The following ST18 variants were observed in gnomAD, a reference collection of about 807,000 sequenced individuals.
The protein encoded by ST18 is suppression of tumorigenicity 18 protein.
Under a neutral mutation model 110.0 loss-of-function variants are expected in ST18, and 50 were observed. That is an observed-to-expected ratio of 0.45 (90% CI 0.36 to 0.58). The LOEUF (loss-of-function observed/expected upper bound fraction) is 0.58. Among genes scored for constraint, ST18 ranks in the 20% least tolerant of loss-of-function variants. The probability of loss-of-function intolerance (pLI) is 0.00; values close to 1 mark genes in which losing one functional copy is unlikely to be tolerated. For synonymous variants in ST18, 461 were observed against 452.4 expected (o/e 1.02, Z -0.24); for missense variants, 1,306 against 1,280.1 (o/e 1.02, Z -0.31).
rs945305951 is a variant in ST18, at chr8:52,291,860, G to T, written c.-464-61783C>A. Among the ~76,000 whole-genome samples, 4 of 151,996 alleles carry T rather than the reference G, an allele frequency of 2.6e-5. 1 individual carries two copies. The Middle Eastern group carries it at 0.01, about 388-fold the overall frequency. On this transcript the variant is annotated intron_variant, in intron 2 of 25. Coordinates refer to ENST00000689386, the MANE Select transcript of ST18 (RefSeq NM_001352837.2). The stretch of plus-strand genomic sequence containing the variant: ...CAAGAACATGGCTCACTGCAGCCTC[G>T]ACCTCCTCGGCTCAAGTGATCCTCC...
At chr8:52,173,420 T>C (rs1308775229) in intron 9 of ST18, among the ~76,000 whole-genome samples, 1 of 152,192 alleles carries the variant, frequency 6.6e-6, no homozygotes, top group Non-Finnish European at 1.5e-5. Context: ...GAGCCCCCAG[T>C]GCCTGTCTGT....
At chr8:52,256,701 A>G (rs1276900418) in intron 2 of ST18, among the ~76,000 whole-genome samples, 1 of 152,226 alleles carries the variant, frequency 6.6e-6, no homozygotes, top group Non-Finnish European at 1.5e-5. Flanking sequence ...CAGTTCAGTC[A>G]TCTGGTCAAT....
At chr8:52,374,100 G>A (rs1055223824) in intron 2 of ST18, among the ~76,000 whole-genome samples, 1 of 152,186 alleles carries the variant, frequency 6.6e-6, no homozygotes, top group Non-Finnish European at 1.5e-5. Context: ...CAGAGGCTCT[G>A]TACTGGGTTG....
chr8:52,148,397 G>T (rs1011178966), intron 16 of ST18, among the ~76,000 whole-genome samples: 1 of 152,154 alleles, frequency 6.6e-6, no homozygotes, highest in Non-Finnish European at 1.5e-5. Flanking sequence ...AGACACACAG[G>T]CTGCCTCAGA....
chr8:52,136,654 A>G lies in ST18; in HGVS notation c.2236T>C (p.Ser746Pro). ...TGNYASHRSV[S>P]GCPLADKTLK... ...GTCTTATCTGCTAAAGGACATCCAGAAACACTAGAGAGGGATGAGGAAAAA... is the reference window on the plus strand; with the variant it reads ...GTCTTATCTGCTAAAGGACATCCAGGAACACTAGAGAGGGATGAGGAAAAA... The change falls in exon 19 of 26, where the codon TCT becomes CCT. Residue 746 changes from serine to proline, a missense_variant. Coordinates refer to ENST00000689386, the MANE Select transcript of ST18 (RefSeq NM_001352837.2). 1 of 1,607,634 alleles carries G rather than the reference A, an allele frequency of 6.2e-7. No individual in the cohort carries two copies. The highest frequency in any genetic ancestry group is 8.5e-7 in the Non-Finnish European group (1 of 1,177,132).
Position 52,110,887 on chromosome 8 carries a change from C to T in ST18, c.*2311G>A. The T allele has an allele frequency of 2.6e-6, 1 of 390,294 alleles. No homozygotes were observed. Among genetic ancestry groups the T allele is most frequent in the Non-Finnish European group, 4.5e-6 (1 of 220,798 alleles). 24.2% of individuals were successfully genotyped at this position (390,294 alleles called of 1,614,324 possible). Reference sequence around the variant, plus strand: ...CATACACCAAATGTACAGCACTGAACACAATTTTGTTGCTTTGATGTAAGA... The same window carrying T: ...CATACACCAAATGTACAGCACTGAATACAATTTTGTTGCTTTGATGTAAGA... On this transcript the variant is annotated 3_prime_UTR_variant, in exon 26 of 26. Transcript: ENST00000689386.
At chr8:52,324,301 T>TGATGGATGGATGGATG (rs201977608) in intron 2 of ST18, among the ~76,000 whole-genome samples, 2 of 150,830 alleles carry the variant, frequency 1.3e-5, no homozygotes, top group African/African-American at 2.4e-5. Flanking sequence ...GGTTGATAGA[T>TGATGGATGGATGGATG]GATGGATGGA....
chr8:52,357,827 C>G (rs1229139468), intron 2 of ST18, among the ~76,000 whole-genome samples: 3 of 148,896 alleles, frequency 2.0e-5, no homozygotes, highest in African/African-American at 7.3e-5. Context: ...AAATAGAGGC[C>G]ATGAACAATA....
At chr8:52,226,172 G>A (rs1214794004) in intron 3 of ST18, among the ~76,000 whole-genome samples, 1 of 152,174 alleles carries the variant, frequency 6.6e-6, no homozygotes, top group Non-Finnish European at 1.5e-5. Context: ...GGCACAAGGA[G>A]ACATCTTCAC....
intron 2 of ST18, among the ~76,000 whole-genome samples, chr8:52,345,898 T>C (rs1817510426): frequency 2.0e-5 from 3 of 152,122 alleles, no homozygotes; most frequent in Admixed American, 2.0e-4. Context: ...GATACAGAAT[T>C]TCAAAAATAT....
intron 2 of ST18, among the ~76,000 whole-genome samples, chr8:52,316,746 A>G (rs1381112513): frequency 6.6e-6 from 1 of 152,154 alleles, no homozygotes; most frequent in African/African-American, 2.4e-5. Context: ...ACTTGGTTCT[A>G]TTTGACTTTC....
At chr8:52,362,798 G>C (rs117226973) in intron 2 of ST18, among the ~76,000 whole-genome samples, 3 of 152,022 alleles carry the variant, frequency 2.0e-5, no homozygotes, top group Admixed American at 6.6e-5. Flanking sequence ...TCCCCTGTAG[G>C]GTCCTTCTTA....
intron 2 of ST18, among the ~76,000 whole-genome samples, chr8:52,324,351 A>T (rs1442869194): frequency 6.6e-6 from 1 of 152,130 alleles, no homozygotes; most frequent in African/African-American, 2.4e-5. Context: ...GGATAAATGG[A>T]TGAATAGACA....
At chr8:52,192,966 G>T (rs1281625984) in intron 8 of ST18, among the ~76,000 whole-genome samples, 1 of 152,158 alleles carries the variant, frequency 6.6e-6, no homozygotes, top group East Asian at 1.9e-4. Flanking sequence ...AGGGCTGGGG[G>T]CTTATTACAT....
intron 22 of ST18, among the ~76,000 whole-genome samples, chr8:52,129,681 T>C (rs2048442340): frequency 6.6e-6 from 1 of 152,200 alleles, no homozygotes; most frequent in African/African-American, 2.4e-5. Context: ...AAGAGAACTT[T>C]CGAGTCAAGA....
At chr8:52,221,333 A>C (rs978883462) in intron 4 of ST18, among the ~76,000 whole-genome samples, 1 of 152,168 alleles carries the variant, frequency 6.6e-6, no homozygotes, top group Admixed American at 6.5e-5. Flanking sequence ...TTTTAACGAG[A>C]CCATCATAAC....
chr8:52,149,525 T>C (rs2058247516), intron 16 of ST18, among the ~76,000 whole-genome samples: 1 of 152,250 alleles, frequency 6.6e-6, no homozygotes, highest in South Asian at 2.1e-4. Flanking sequence ...TATAGTGACA[T>C]TATTTTAGGC....
At chr8:52,328,582 T>G (rs561217508) in intron 2 of ST18, among the ~76,000 whole-genome samples, 29 of 152,238 alleles carry the variant, frequency 1.9e-4, no homozygotes, top group African/African-American at 6.3e-4. Context: ...CAACATAAGC[T>G]CCCTCCATCA....
chr8:52,256,933 T>TC (rs769048781), intron 2 of ST18, among the ~76,000 whole-genome samples: 12 of 152,174 alleles, frequency 7.9e-5, no homozygotes, highest in Non-Finnish European at 1.3e-4. Flanking sequence ...TCATTAGCAG[T>TC]CATTCCCCAT....
Sources: gnomAD v4.1 joint callset for allele counts (sites outside exome capture counted in the v4.1 genomes callset) on GRCh38, gnomAD v4.1.1 for gene constraint, MANE v1.5 for transcripts, NCBI Gene and HGNC (gene_info 2026-07-23, HGNC 2026-07-21) for gene names.